Variants in TRHDE observed in about 807,000 individuals in gnomAD.
TRHDE encodes the protein thyrotropin releasing hormone degrading enzyme.
Under a neutral mutation model 125.7 loss-of-function variants are expected in TRHDE, and 72 were observed. That is an observed-to-expected ratio of 0.57 (90% CI 0.47 to 0.70). The LOEUF (loss-of-function observed/expected upper bound fraction) is 0.70. Among genes scored for constraint, TRHDE ranks in the 30% least tolerant of loss-of-function variants. TRHDE has a pLI of 0.00. For missense variants in TRHDE, 1,110 were observed against 1,327.1 expected (o/e 0.84, Z 2.54); for synonymous variants, 509 against 509.1 (o/e 1.00, Z 0.00).
intron 2 of TRHDE, among the ~76,000 whole-genome samples, chr12:72,106,140 A>G: frequency 6.6e-6 from 1 of 152,160 alleles, no homozygotes; most frequent in African/African-American, 2.4e-5. Context: ...GAGCTACAGT[A>G]GCACTGTTTA....
intron 5 of TRHDE, among the ~76,000 whole-genome samples, chr12:72,476,603 G>A (rs1447349179): frequency 6.6e-6 from 1 of 152,130 alleles, no homozygotes. Context: ...CCAGAAGTCA[G>A]GCTCATGTCA....
At chr12:72,161,358 G>A (rs765667538) in intron 2 of TRHDE, among the ~76,000 whole-genome samples, 7 of 151,782 alleles carry the variant, frequency 4.6e-5, no homozygotes, top group Non-Finnish European at 8.8e-5. Context: ...GCTTGAACTC[G>A]GGAGGTGGAA....
intron 3 of TRHDE, among the ~76,000 whole-genome samples, chr12:72,462,355 A>G (rs752084789): frequency 1.3e-5 from 2 of 152,178 alleles, no homozygotes; most frequent in Non-Finnish European, 2.9e-5. Flanking sequence ...GATACTTTGC[A>G]TAGGAGTAGA....
In TRHDE at chr12:72,184,964, C is replaced by A. The variant is rs192429374; in HGVS notation, n.279+79212C>A. 8.1e-4 allele frequency among the ~76,000 whole-genome samples: 123 copies of A among 152,324 alleles called. No homozygotes were observed. In the East Asian group the frequency reaches 0.014, roughly 17 times the overall value. ...CATCTGAAGAGCCCTTCAGCCCCCC[C>A]ACTGCACTGTGGGAGCCCCTTTCTG... On this transcript the variant is annotated intron_variant and non_coding_transcript_variant, in intron 2 of 4. Coordinates refer to the TRHDE transcript ENST00000548156.
chr12:72,258,970 C>T (rs1306421476), intron 2 of TRHDE, among the ~76,000 whole-genome samples: 1 of 152,136 alleles, frequency 6.6e-6, no homozygotes, highest in Non-Finnish European at 1.5e-5. Context: ...TTGATCACTT[C>T]ATCAGATAGT....
intron 2 of TRHDE, among the ~76,000 whole-genome samples, chr12:72,366,771 G>T (rs1052788239): frequency 5.9e-5 from 9 of 151,754 alleles, no homozygotes; most frequent in Non-Finnish European, 1.3e-4. Flanking sequence ...GTAAAATTCT[G>T]TAAAGAGGGA....
intron 18 of TRHDE, among the ~76,000 whole-genome samples, chr12:72,658,444 C>G (rs1182377823): frequency 6.6e-6 from 1 of 152,130 alleles, no homozygotes; most frequent in Non-Finnish European, 1.5e-5. Context: ...CCTTCGTTCT[C>G]TGTGCTTCTC....
intron 3 of TRHDE, among the ~76,000 whole-genome samples, chr12:72,436,788 G>A (rs1160978947): frequency 6.6e-6 from 1 of 151,732 alleles, no homozygotes; most frequent in Non-Finnish European, 1.5e-5. Context: ...TGCTTTCCAG[G>A]AAACATCTGG....
intron 2 of TRHDE, among the ~76,000 whole-genome samples, chr12:72,326,410 G>T (rs762338785): frequency 6.6e-6 from 1 of 152,070 alleles, no homozygotes; most frequent in Non-Finnish European, 1.5e-5. Flanking sequence ...GGGGCGCGGG[G>T]CTAGGGGAGG....
intron 3 of TRHDE, among the ~76,000 whole-genome samples, chr12:72,457,126 G>A (rs1363335411): frequency 6.6e-6 from 1 of 152,066 alleles, no homozygotes; most frequent in Non-Finnish European, 1.5e-5. Context: ...TTTTCTTCAT[G>A]ACATTGAATG....
chr12:72,386,899 A>T (rs1181161481), intron 3 of TRHDE, among the ~76,000 whole-genome samples: 3 of 151,836 alleles, frequency 2.0e-5, no homozygotes, highest in African/African-American at 7.3e-5. Flanking sequence ...TTTCCTACCC[A>T]TTGGCCACTC....
chr12:72,502,124 T>A (rs886730418), intron 6 of TRHDE, among the ~76,000 whole-genome samples: 1 of 152,066 alleles, frequency 6.6e-6, no homozygotes, highest in Non-Finnish European at 1.5e-5. Context: ...CATCCTTTGT[T>A]GTAATTGATT....
At chr12:72,480,946 C>T (rs1877139698) in intron 5 of TRHDE, among the ~76,000 whole-genome samples, 1 of 152,062 alleles carries the variant, frequency 6.6e-6, no homozygotes, top group African/African-American at 2.4e-5. Flanking sequence ...CTTCTCACCA[C>T]TCCTGGTAAA....
At chr12:72,455,545 G>A (rs942917033) in intron 3 of TRHDE, among the ~76,000 whole-genome samples, 3 of 151,986 alleles carry the variant, frequency 2.0e-5, no homozygotes, top group African/African-American at 7.2e-5. Flanking sequence ...TTAATTGAGT[G>A]CAGAATCTTT....
chr12:72,634,622 G>T (rs894509878), intron 15 of TRHDE, among the ~76,000 whole-genome samples: 2 of 151,564 alleles, frequency 1.3e-5, no homozygotes, highest in African/African-American at 2.4e-5. Context: ...TCTAGCATTA[G>T]GTATATCTCC....
chr12:72,435,564 T>C (rs1472866149), intron 3 of TRHDE, among the ~76,000 whole-genome samples: 2 of 151,906 alleles, frequency 1.3e-5, no homozygotes, highest in African/African-American at 4.8e-5. Context: ...CCTATTTTTA[T>C]TGAAAAAAAA....
At chr12:72,164,658 G>A (rs1386852167) in intron 2 of TRHDE, among the ~76,000 whole-genome samples, 2 of 152,146 alleles carry the variant, frequency 1.3e-5, no homozygotes, top group Non-Finnish European at 1.5e-5. Context: ...ATAACCACAC[G>A]ACCCAGTGAT....
intron 3 of TRHDE, among the ~76,000 whole-genome samples, chr12:72,461,703 A>G (rs927656322): frequency 6.6e-6 from 1 of 151,982 alleles, no homozygotes; most frequent in African/African-American, 2.4e-5. Flanking sequence ...TGTTGGCTCA[A>G]TCTTAAGTAG....
intron 2 of TRHDE, among the ~76,000 whole-genome samples, chr12:72,198,041 T>A (rs935285832): frequency 2.0e-5 from 3 of 152,176 alleles, no homozygotes; most frequent in Non-Finnish European, 4.4e-5. Flanking sequence ...TTTAGGACAT[T>A]TCTTATAAAT....
Sources: allele counts gnomAD v4.1 joint callset (sites outside exome capture counted in the v4.1 genomes callset), GRCh38; gene constraint gnomAD v4.1.1; transcripts MANE v1.5; gene names NCBI Gene and HGNC (gene_info 2026-07-23, HGNC 2026-07-21).